Variants in GRIN2B observed in about 807,000 individuals in gnomAD.
The protein encoded by GRIN2B is glutamate receptor ionotropic, NMDA 2B.
In GRIN2B, 5 loss-of-function variants were observed where a neutral mutation model predicts 114.5. That is an observed-to-expected ratio of 0.04 (90% CI 0.02 to 0.09). The LOEUF is 0.09. Ranked by LOEUF, GRIN2B falls within the 10% of genes least tolerant of loss-of-function variation. The pLI, the probability that GRIN2B is intolerant of heterozygous loss-of-function variation, is 1.00. For missense variants in GRIN2B, 1,108 were observed against 1,943.5 expected, an observed-to-expected ratio of 0.57 and a Z score of 8.08; for synonymous variants, 787 against 745.1, an observed-to-expected ratio of 1.06 and a Z score of -0.92.
At chr12:13,894,324 T>C (rs1866317644) in intron 2 of GRIN2B, among the ~76,000 whole-genome samples, 1 of 152,130 alleles carries the variant, frequency 6.6e-6, no homozygotes, top group Admixed American at 6.6e-5. Context: ...AAATGGAAAG[T>C]AATTAAATGG....
intron 2 of GRIN2B, among the ~76,000 whole-genome samples, chr12:13,975,356 A>C (rs531258495): frequency 3.3e-5 from 5 of 152,382 alleles, no homozygotes; most frequent in Admixed American, 1.3e-4. Flanking sequence ...ATAAAGTTAG[A>C]GCAGCACTGA....
intron 2 of GRIN2B, among the ~76,000 whole-genome samples, chr12:13,922,156 T>C (rs1420329746): frequency 6.6e-6 from 1 of 152,214 alleles, no homozygotes; most frequent in Middle Eastern, 3.4e-3. Context: ...TGGATTTGAG[T>C]AGTGTAAAAT....
At chr12:13,676,677 T>G (rs12303843) in intron 4 of GRIN2B, among the ~76,000 whole-genome samples, 22,165 of 152,152 alleles carry the variant, frequency 0.15, 2,066 homozygotes, top group Middle Eastern at 0.21. Flanking sequence ...AGAGGTGGCA[T>G]GTAGGAGCCT....
intron 2 of GRIN2B, among the ~76,000 whole-genome samples, chr12:13,878,717 C>G (rs575393208): frequency 7.0e-4 from 107 of 152,310 alleles, no homozygotes; most frequent in Non-Finnish European, 1.2e-3. Flanking sequence ...TCCTCAGGCC[C>G]TGCTGAGCAG....
chr12:13,734,572 C>T (rs1016961878), intron 4 of GRIN2B, among the ~76,000 whole-genome samples: 4 of 152,332 alleles, frequency 2.6e-5, no homozygotes, highest in East Asian at 1.9e-4. Context: ...TTGTACTCCA[C>T]GTGCACAAAC....
chr12:13,634,171 C>G (rs937197842), intron 5 of GRIN2B: 8 of 152,130 alleles, frequency 5.3e-5, no homozygotes, highest in Admixed American at 3.9e-4. Flanking sequence ...ATTATGTGTC[C>G]TGTGCCAGTC....
intron 2 of GRIN2B, among the ~76,000 whole-genome samples, chr12:13,917,861 T>C (rs1458196023): frequency 1.3e-5 from 2 of 152,242 alleles, no homozygotes; most frequent in South Asian, 2.1e-4. Context: ...TTATACTATA[T>C]GCTAGAAAAA....
chr12:13,800,765 G>A (rs560434045), intron 3 of GRIN2B, among the ~76,000 whole-genome samples: 39 of 152,120 alleles, frequency 2.6e-4, no homozygotes, highest in Non-Finnish European at 3.8e-4. Flanking sequence ...ATGAATGTAC[G>A]TCATGATTTG....
chr12:13,752,229 TTAAG>T (rs1378250566), intron 4 of GRIN2B, among the ~76,000 whole-genome samples: 2 of 152,208 alleles, frequency 1.3e-5, no homozygotes, highest in Non-Finnish European at 2.9e-5. Context: ...TGAGTATGCA[TTAAG>T]TTTTTCTGAA....
intron 10 of GRIN2B, among the ~76,000 whole-genome samples, chr12:13,595,750 C>A (rs931007667): frequency 6.6e-6 from 1 of 152,162 alleles, no homozygotes; most frequent in South Asian, 2.1e-4. Flanking sequence ...CACTTGAATA[C>A]AATTTGCATA....
chr12:13,742,590 C>T (rs61912121), intron 4 of GRIN2B, among the ~76,000 whole-genome samples: 18,272 of 152,118 alleles, frequency 0.12, 1,298 homozygotes, highest in Non-Finnish European at 0.16. Context: ...ACCACCACAC[C>T]TGGTTAATTT....
At position 13,557,862 on chromosome 12, in the gene GRIN2B, CTAATATGGCT is replaced by C. The variant is rs1235431036; in HGVS notation, c.*4911_*4920del. On this transcript the variant is annotated 3_prime_UTR_variant, in exon 14 of 14. Transcript: ENST00000609686. The stretch of plus-strand genomic sequence containing the variant: ...ATTAGGTGATTAAATGTATACATCC[CTAATATGGCT>C]TAATATGTCACCTTTCCTGGGATTA... The C allele has an allele frequency of 6.6e-6, 1 of 152,154 alleles. No homozygotes were observed. The highest frequency in any genetic ancestry group is 2.4e-5 in the African/African-American group (1 of 41,432). The allele number at this position is 152,154 out of a possible 1,614,324, so 9.4% of individuals were successfully genotyped here.
intron 2 of GRIN2B, among the ~76,000 whole-genome samples, chr12:13,899,315 C>T (rs890050766): frequency 9.2e-5 from 14 of 151,472 alleles, no homozygotes; most frequent in African/African-American, 3.4e-4. Context: ...AAAAACAGCC[C>T]TTAAAGAAAA....
chr12:13,703,133 A>T (rs185412804), intron 4 of GRIN2B, among the ~76,000 whole-genome samples: 1 of 152,186 alleles, frequency 6.6e-6, no homozygotes, highest in Non-Finnish European at 1.5e-5. Context: ...TATTACCTCA[A>T]ATAAATTTCT....
chr12:13,669,373 A>G (rs918615657), intron 5 of GRIN2B, among the ~76,000 whole-genome samples: 1 of 151,934 alleles, frequency 6.6e-6, no homozygotes, highest in Non-Finnish European at 1.5e-5. Flanking sequence ...CCCAATTCCC[A>G]TAGCCTTTCT....
chr12:13,574,944 G>A (rs530109248), intron 10 of GRIN2B, among the ~76,000 whole-genome samples: 1 of 152,338 alleles, frequency 6.6e-6, no homozygotes, highest in South Asian at 2.1e-4. Flanking sequence ...TGGTGCAAGG[G>A]CCATTCAGTG....
intron 4 of GRIN2B, among the ~76,000 whole-genome samples, chr12:13,712,678 T>C (rs190333917): frequency 9.9e-5 from 15 of 152,052 alleles, no homozygotes; most frequent in East Asian, 9.7e-4. Context: ...AATTTTATCT[T>C]TGGAGAATAT....
rs1411549512 is a variant in GRIN2B at position 13,965,932 on chromosome 12, G to A, written c.-19+13996C>T. Among the ~76,000 whole-genome samples the A allele has an allele frequency of 4.6e-5, 7 of 152,096 alleles. No homozygotes were observed. In the South Asian group the frequency reaches 1.4e-3, roughly 31 times the overall value. On this transcript the variant is annotated intron_variant, in intron 2 of 13. Transcript: ENST00000609686. The stretch of plus-strand genomic sequence containing the variant: ...TGAAGTGGCTTTCTTTTTAGAATAA[G>A]ACCTTTGTTTATCCGAGCAGGATCC...
chr12:13,622,032 G>C (rs1287804781), intron 5 of GRIN2B, among the ~76,000 whole-genome samples: 1 of 152,076 alleles, frequency 6.6e-6, no homozygotes, highest in Non-Finnish European at 1.5e-5. Flanking sequence ...GAGGGGACCA[G>C]GGCAGGGTAT....
Sources: allele counts gnomAD v4.1 joint callset (sites outside exome capture counted in the v4.1 genomes callset), GRCh38; gene constraint gnomAD v4.1.1; transcripts MANE v1.5; gene names NCBI Gene and HGNC (gene_info 2026-07-23, HGNC 2026-07-21).